Variants in ARSG observed in about 807,000 individuals in gnomAD.
ARSG encodes the protein ASG.
In ARSG, 37 loss-of-function variants were observed where a neutral mutation model predicts 50.5. The observed-to-expected ratio is 0.73, with a 90% confidence interval of 0.56 to 0.96. ARSG has a LOEUF of 0.96. Among genes scored for constraint, ARSG ranks in the 50% least tolerant of loss-of-function variants. The pLI, the probability that ARSG is intolerant of heterozygous loss-of-function variation, is 0.00. For synonymous variants in ARSG, 225 were observed against 254.6 expected, an observed-to-expected ratio of 0.88 and a Z score of 1.11; for missense variants, 629 against 675.3, an observed-to-expected ratio of 0.93 and a Z score of 0.76.
rs374573149 is a variant in ARSG, at chr17:68,332,078, C to T, written c.219-11526C>T. Among the ~76,000 whole-genome samples the T allele has an allele frequency of 4.5e-4, 68 of 152,356 alleles. 1 individual carries two copies. In the East Asian group the frequency reaches 6.6e-3, roughly 15 times the overall value. On this transcript the variant is annotated intron_variant, in intron 2 of 11. Coordinates refer to ENST00000621439, the MANE Select transcript of ARSG (RefSeq NM_001267727.2). ...AAAATTTATTAGGTGGGAATTTCCTCGTCCTAATAAGCCTGGGAGCACTAC... is the reference window on the plus strand; with the variant it reads ...AAAATTTATTAGGTGGGAATTTCCTTGTCCTAATAAGCCTGGGAGCACTAC...
intron 9 of ARSG, among the ~76,000 whole-genome samples, chr17:68,394,465 AAATC>A (rs2081143092): frequency 6.6e-6 from 1 of 152,072 alleles, no homozygotes; most frequent in Non-Finnish European, 1.5e-5. Context: ...AAATAAATAA[AAATC>A]AATAAAACAA....
At chr17:68,421,834 A>G, downstream of ARSG, 1 of 1,614,170 alleles carries the variant, frequency 6.2e-7, no homozygotes. Flanking sequence ...CCAAAATCAA[A>G]ACAGAATGGC....
At chr17:68,348,562 C>A (rs9910816) in intron 4 of ARSG, among the ~76,000 whole-genome samples, 1 of 151,830 alleles carries the variant, frequency 6.6e-6, no homozygotes, top group East Asian at 1.9e-4. Flanking sequence ...ATCCTCTCTG[C>A]GGTGCACTGT....
rs1351198942 is a variant in ARSG, at chr17:68,307,196, A to G, written c.-298A>G. Reference sequence around the variant, plus strand: ...GTCTAATTATTGAACACGACCAGTCATTTTACTGAGCTGCGGTGAGGAAAC... The same window carrying G: ...GTCTAATTATTGAACACGACCAGTCGTTTTACTGAGCTGCGGTGAGGAAAC... On this transcript the variant is annotated 5_prime_UTR_variant, in exon 2 of 12. Transcript: ENST00000621439. The G allele has an allele frequency of 1.4e-5, 5 of 363,816 alleles. No individual in the cohort carries two copies. The East Asian group carries it at 2.5e-4, about 18-fold the overall frequency. 22.5% of individuals were successfully genotyped at this position (363,816 alleles called of 1,614,324 possible). A position where few individuals can be genotyped will look rare whatever the true frequency, so the allele number is the denominator to read the frequency against.
chr17:68,322,875 CATCAGGGTACT>C (rs2077347561), intron 2 of ARSG, among the ~76,000 whole-genome samples: 1 of 152,166 alleles, frequency 6.6e-6, no homozygotes, highest in African/African-American at 2.4e-5. Flanking sequence ...TAAAGTCCAA[CATCAGGGTACT>C]AGCATGGTCA....
intron 11 of ARSG, among the ~76,000 whole-genome samples, chr17:68,409,936 T>C (rs988765986): frequency 1.3e-5 from 2 of 149,998 alleles, no homozygotes; most frequent in African/African-American, 4.9e-5. Flanking sequence ...CTGTTGTTGG[T>C]GTATAAGAAT....
chr17:68,358,870 A>AC (rs1365604455), intron 6 of ARSG, among the ~76,000 whole-genome samples: 1 of 147,836 alleles, frequency 6.8e-6, no homozygotes, highest in Non-Finnish European at 1.5e-5. Context: ...CTCTTAAAAA[A>AC]CCCCCAAAAC....
intron 10 of ARSG, among the ~76,000 whole-genome samples, chr17:68,398,207 T>G (rs759412869): frequency 6.6e-6 from 1 of 152,234 alleles, no homozygotes; most frequent in Non-Finnish European, 1.5e-5. Flanking sequence ...TGTGTCTATA[T>G]AAACATACAT....
chr17:68,359,092 G>A lies in ARSG; in HGVS notation c.704+2288G>A, dbSNP rs577524647. Among the ~76,000 whole-genome samples, 9 of 152,104 alleles carry A rather than the reference G, an allele frequency of 5.9e-5. No homozygotes were observed. The South Asian group carries it at 1.9e-3, about 32-fold the overall frequency. The stretch of plus-strand genomic sequence containing the variant: ...GCAGGAGAATGGCGTGAACCCGGGA[G>A]GTGGAGCTTGCAGTGAGCCGAGATC... On this transcript the variant is annotated intron_variant, in intron 6 of 11. Coordinates refer to ENST00000621439, the MANE Select transcript of ARSG (RefSeq NM_001267727.2).
At chr17:68,410,520 T>G in intron 11 of ARSG, among the ~76,000 whole-genome samples, 1 of 151,630 alleles carries the variant, frequency 6.6e-6, no homozygotes, top group Non-Finnish European at 1.5e-5. Flanking sequence ...CTGGATTCGG[T>G]TTGCCAGTAT....
chr17:68,322,389 G>A (rs1248124689), intron 2 of ARSG, among the ~76,000 whole-genome samples: 3 of 152,212 alleles, frequency 2.0e-5, no homozygotes, highest in Non-Finnish European at 2.9e-5. Context: ...AGCACTCTGG[G>A]AGGCTGAGGC....
At position 68,420,387 on chromosome 17, in the gene ARSG, C is replaced by T; in HGVS notation, c.1502C>T (p.Ala501Val). 1.2e-6 allele frequency: 2 copies of T among 1,614,172 alleles called. No individual in the cohort carries two copies. Among genetic ancestry groups the T allele is most frequent in the Non-Finnish European group, 1.7e-6 (2 of 1,180,034 alleles). Reference protein sequence around the residue: ...QDIANDNISSADYTQDPSVTP... With the variant: ...QDIANDNISSVDYTQDPSVTP... ...ATTGCCAACGACAACATCTCCAGCG[C>T]AGATTACACTCAGGACCCTTCAGTA... The change falls in exon 12 of 12, where the codon GCA (alanine) becomes GTA (valine). Residue 501 changes from alanine (A) to valine (V), a missense_variant. Coordinates refer to ENST00000621439, the MANE Select transcript of ARSG (RefSeq NM_001267727.2).
chr17:68,364,735 A>G (rs957199486), intron 6 of ARSG, among the ~76,000 whole-genome samples: 1 of 152,182 alleles, frequency 6.6e-6, no homozygotes, highest in Admixed American at 6.5e-5. Context: ...TTATTAAGGT[A>G]TAGTTGAAAT....
intron 2 of ARSG, among the ~76,000 whole-genome samples, chr17:68,342,154 C>T (rs1232299656): frequency 6.6e-6 from 1 of 152,032 alleles, no homozygotes; most frequent in Non-Finnish European, 1.5e-5. Context: ...TAGTTATGTT[C>T]TATCAAGCCA....
the ARSG span, among the ~76,000 whole-genome samples, chr17:68,438,420 G>T: frequency 6.6e-6 from 1 of 152,202 alleles, no homozygotes; most frequent in Admixed American, 6.6e-5. Flanking sequence ...TTCTAGTCTT[G>T]TGAAACTGGG....
chr17:68,401,371 C>G lies in ARSG; in HGVS notation c.1224C>G (p.His408Gln). Residue 408 changes from histidine to glutamine, a missense_variant, in exon 11 of 12, where the codon CAC (histidine) becomes CAG (glutamine). Transcript: ENST00000621439. ...CCACCCTTTCTCAGGTGCTGTTCCA[C>G]CCCAACAGCGGGGCAGCTGGAGAGT... ...RSQPGHRVLF[H>Q]PNSGAAGEFG... 6.2e-7 allele frequency: 1 copy of G among 1,613,964 alleles called. No individual in the cohort carries two copies. The highest frequency in any genetic ancestry group is 8.5e-7 in the Non-Finnish European group (1 of 1,179,862).
At chr17:68,423,466 G>A (rs1256375534), downstream of ARSG, among the ~76,000 whole-genome samples, 4 of 152,176 alleles carry the variant, frequency 2.6e-5, no homozygotes, top group African/African-American at 9.7e-5. This position sits in a 1 kb window ranked among gnomAD's most constrained non-coding sequence, Gnocchi z 4.4. Context: ...TGGCTGCCAC[G>A]ACACAGCCCT....
At chr17:68,321,085 G>T (rs1024826123) in intron 2 of ARSG, among the ~76,000 whole-genome samples, 2 of 152,004 alleles carry the variant, frequency 1.3e-5, no homozygotes. Flanking sequence ...CAGGAGGATC[G>T]CTTGAGCCCA....
At chr17:68,375,673 G>A (rs887451041) in intron 8 of ARSG, among the ~76,000 whole-genome samples, 1 of 152,188 alleles carries the variant, frequency 6.6e-6, no homozygotes, top group African/African-American at 2.4e-5. Flanking sequence ...TTCCCTGGGG[G>A]TGATTTGTGT....
Sources: allele counts gnomAD v4.1 joint callset (sites outside exome capture counted in the v4.1 genomes callset), GRCh38; gene constraint gnomAD v4.1.1; non-coding constraint Gnocchi (gnomAD v3.1); transcripts MANE v1.5; gene names NCBI Gene and HGNC (gene_info 2026-07-23, HGNC 2026-07-21).